SEM1: variants seen among roughly 807,000 people sequenced by gnomAD.
SEM1 encodes SEM1 26S proteasome subunit, also known as 26S proteasome complex subunit SEM1.
Under a neutral mutation model 12.7 loss-of-function variants are expected in SEM1, and 3 were observed. The observed-to-expected ratio is 0.24, with a 90% CI of 0.11 to 0.61. The LOEUF (loss-of-function observed/expected upper bound fraction) is 0.61, where lower values mean the gene tolerates loss of function less well. Ranked by LOEUF, SEM1 falls within the 20% of genes least tolerant of loss-of-function variation. The pLI, the probability that SEM1 is intolerant of heterozygous loss-of-function variation, is 0.88. For missense variants in SEM1, 59 were observed against 81.3 expected (o/e 0.73, Z 1.06); for synonymous variants, 30 against 27.8 (o/e 1.08, Z -0.25).
At chr7:96,569,812 C>T (rs1694793428) in intron 2 of SEM1, among the ~76,000 whole-genome samples, 1 of 152,022 alleles carries the variant, frequency 6.6e-6, no homozygotes, top group African/African-American at 2.4e-5. Context: ...TTTCTGAGTT[C>T]TTTCACTTAA....
chr7:96,510,561 T>A (rs898174276), intron 2 of SEM1, among the ~76,000 whole-genome samples: 1 of 152,182 alleles, frequency 6.6e-6, no homozygotes, highest in African/African-American at 2.4e-5. Flanking sequence ...CATGGTTATG[T>A]AACACATGAC....
intron 2 of SEM1, among the ~76,000 whole-genome samples, chr7:96,654,284 G>A (rs1479863338): frequency 6.6e-6 from 1 of 151,384 alleles, no homozygotes; most frequent in African/African-American, 2.4e-5. Context: ...AGTAGAAAGA[G>A]CTGAACTTAG....
At chr7:96,637,212 A>AT (rs1327027549) in intron 2 of SEM1, 2 of 152,098 alleles carry the variant, frequency 1.3e-5, no homozygotes, top group East Asian at 3.9e-4. Context: ...CCAGAAAAAG[A>AT]TTTTTAAATG....
At chr7:96,635,110 T>C (rs1808391111) in intron 2 of SEM1, among the ~76,000 whole-genome samples, 1 of 151,966 alleles carries the variant, frequency 6.6e-6, no homozygotes, top group Non-Finnish European at 1.5e-5. Context: ...TAATTTGGGA[T>C]ATGTTTTGGA....
At chr7:96,592,258 T>C (rs1200229358) in intron 2 of SEM1, among the ~76,000 whole-genome samples, 1 of 151,722 alleles carries the variant, frequency 6.6e-6, no homozygotes, top group East Asian at 2.0e-4. Flanking sequence ...AAAAGACAAC[T>C]CCCTCCTTAG....
intron 2 of SEM1, among the ~76,000 whole-genome samples, chr7:96,540,537 G>T (rs888154260): frequency 7.3e-5 from 11 of 151,634 alleles, no homozygotes; most frequent in African/African-American, 2.7e-4. Context: ...TATAACCAAG[G>T]TGACAGATAA....
At position 96,680,784 on chromosome 7, in the gene SEM1, T is replaced by C. The variant is rs1174200445; in HGVS notation, c.171-6925A>G. ...GGAATTTATCCTTGTATCAACCTTT[T>C]TGACAACCCATCAACCCTCAAGGCA... On this transcript the variant is annotated intron_variant, in intron 2 of 2. Coordinates refer to the SEM1 transcript ENST00000413065. 2.6e-5 allele frequency among the ~76,000 whole-genome samples: 4 copies of C among 152,224 alleles called. 1 individual carries two copies. Among genetic ancestry groups the C allele is most frequent in the South Asian group, 4.1e-4 (2 of 4,822 alleles).
upstream of SEM1, among the ~76,000 whole-genome samples, chr7:96,500,390 T>C (rs1803482624): frequency 6.6e-6 from 1 of 152,120 alleles, no homozygotes; most frequent in South Asian, 2.1e-4. Context: ...TGTGTTTTTT[T>C]ATGAGTTCAA....
Position 96,486,411 on chromosome 7 carries a change from TGGAG to T in SEM1, c.15_18del (p.Asp5GlufsTer20), listed in dbSNP as rs1802770891. 1 of 1,536,798 alleles carries T rather than the reference TGGAG, an allele frequency of 6.5e-7. No homozygotes were observed. Among genetic ancestry groups the T allele is most frequent in the African/African-American group, 1.4e-5 (1 of 73,004 alleles). ...TGTACAGCAAACACAGCACAAATGT[TGGAG>T]TCCTATAAGGGAAGTTGAAGGTATT... On this transcript the variant is annotated frameshift_variant and splice_region_variant, in exon 2 of 4. Transcript: ENST00000356686. LOFTEE classifies it high-confidence loss of function.
chr7:96,657,604 A>T (rs1477982497), intron 2 of SEM1, among the ~76,000 whole-genome samples: 3 of 152,214 alleles, frequency 2.0e-5, no homozygotes, highest in Non-Finnish European at 1.5e-5. Context: ...GGCCACCTCT[A>T]GTGGGTTTTC....
intron 2 of SEM1, among the ~76,000 whole-genome samples, chr7:96,599,459 C>T (rs762454552): frequency 2.0e-5 from 3 of 152,174 alleles, no homozygotes; most frequent in South Asian, 2.1e-4. Context: ...ATCTGCTTAT[C>T]GGCTACTTGC....
At chr7:96,673,971 T>C (rs1180533731) in intron 2 of SEM1, 2 of 669,190 alleles carry the variant, frequency 3.0e-6, no homozygotes, top group Non-Finnish European at 2.7e-6. Context: ...ACACCCCTTA[T>C]GCCCCAGTCC....
downstream of SEM1, among the ~76,000 whole-genome samples, chr7:96,686,980 T>A (rs1338818779): frequency 6.6e-6 from 1 of 152,084 alleles, no homozygotes; most frequent in Non-Finnish European, 1.5e-5. Context: ...GTGAAGGATA[T>A]GAACAGACAC....
At chr7:96,622,962 A>C in intron 2 of SEM1, 1 of 292,646 alleles carries the variant, frequency 3.4e-6, no homozygotes. Flanking sequence ...CCTGAGTCAC[A>C]GGGTGCCAGG....
At chr7:96,630,885 G>A (rs1033746779) in intron 2 of SEM1, among the ~76,000 whole-genome samples, 1 of 152,068 alleles carries the variant, frequency 6.6e-6, no homozygotes, top group African/African-American at 2.4e-5. Context: ...TCCTTTCGAG[G>A]CAGTGGGTTC....
At chr7:96,554,556 A>T (rs1379209164) in intron 2 of SEM1, among the ~76,000 whole-genome samples, 1 of 149,164 alleles carries the variant, frequency 6.7e-6, no homozygotes. Flanking sequence ...CCACTTGATC[A>T]TGGTGGATAA....
chr7:96,693,552 A>G (rs1371493158), intron 2 of SEM1, among the ~76,000 whole-genome samples: 2 of 152,002 alleles, frequency 1.3e-5, no homozygotes, highest in South Asian at 4.1e-4. Context: ...AGCACAAATA[A>G]CAAAAGAAAA....
chr7:96,488,776 T>C (rs763560589), intron 1 of SEM1, among the ~76,000 whole-genome samples: 23 of 152,120 alleles, frequency 1.5e-4, no homozygotes, highest in Middle Eastern at 3.2e-3. Context: ...TAGCCTCACA[T>C]AGCTTGATTC....
At chr7:96,661,582 C>G (rs907110617) in intron 2 of SEM1, among the ~76,000 whole-genome samples, 6 of 151,572 alleles carry the variant, frequency 4.0e-5, no homozygotes, top group African/African-American at 1.5e-4. Flanking sequence ...TAAATTAGAC[C>G]AAAGGAATAA....
Sources: allele counts gnomAD v4.1 joint callset (sites outside exome capture counted in the v4.1 genomes callset), GRCh38; gene constraint gnomAD v4.1.1; transcripts MANE v1.5; gene names NCBI Gene and HGNC (gene_info 2026-07-23, HGNC 2026-07-21).